ZNF362: variants seen among roughly 807,000 people sequenced by gnomAD.
The protein encoded by ZNF362 is zinc finger protein 362.
Under a neutral mutation model 42.9 loss-of-function variants are expected in ZNF362, and 11 were observed. The observed-to-expected ratio is 0.26, with a 90% CI of 0.16 to 0.42. The LOEUF (loss-of-function observed/expected upper bound fraction) is 0.42, where lower values mean the gene tolerates loss of function less well. Ranked by LOEUF, ZNF362 falls within the 20% of genes least tolerant of loss-of-function variation. ZNF362 has a pLI of 1.00. For missense variants in ZNF362, 362 were observed against 576.2 expected (o/e 0.63, Z 3.81); for synonymous variants, 255 against 257.3 (o/e 0.99, Z 0.09).
the ZNF362 span, among the ~76,000 whole-genome samples, chr1:33,141,573 T>A: frequency 6.6e-6 from 1 of 152,210 alleles, no homozygotes; most frequent in Non-Finnish European, 1.5e-5. Context: ...TGATGCCAGC[T>A]TCCTGAAAGC....
At chr1:33,283,660 A>C (rs369359398) in intron 6 of ZNF362, among the ~76,000 whole-genome samples, 7 of 152,258 alleles carry the variant, frequency 4.6e-5, no homozygotes, top group African/African-American at 1.7e-4. Context: ...AGCTGATGTC[A>C]CACCACTGCA....
the ZNF362 span, chr1:33,182,172 A>AC: frequency 6.7e-6 from 1 of 149,730 alleles, no homozygotes; most frequent in Non-Finnish European, 1.5e-5. Flanking sequence ...ACCCCGCCCC[A>AC]CCCCCACCAT....
chr1:33,274,485 C>A (rs1188065397), intron 2 of ZNF362, among the ~76,000 whole-genome samples: 3 of 152,120 alleles, frequency 2.0e-5, no homozygotes, highest in Non-Finnish European at 4.4e-5. Context: ...GAACTCCAGG[C>A]AGGAAGTACT....
intron 6 of ZNF362, among the ~76,000 whole-genome samples, chr1:33,288,501 G>C (rs1477175188): frequency 6.6e-6 from 1 of 152,072 alleles, no homozygotes; most frequent in Non-Finnish European, 1.5e-5. Context: ...CACTTTAGGA[G>C]GCTGAGGTGA....
chr1:33,150,454 C>T, the ZNF362 span, among the ~76,000 whole-genome samples: 3 of 152,354 alleles, frequency 2.0e-5, no homozygotes, highest in South Asian at 6.2e-4. Flanking sequence ...CTTCCATGAT[C>T]TTTGCCAGGA....
the ZNF362 span, among the ~76,000 whole-genome samples, chr1:33,159,428 G>A: frequency 2.0e-5 from 3 of 152,164 alleles, no homozygotes; most frequent in Non-Finnish European, 4.4e-5. The surrounding 1 kb of genome is among the most constrained non-coding windows in gnomAD (Gnocchi z 4.2). Context: ...AGCCAAGACA[G>A]CAGGGTCAAA....
the ZNF362 span, among the ~76,000 whole-genome samples, chr1:33,168,985 T>G: frequency 6.8e-6 from 1 of 148,082 alleles, no homozygotes; most frequent in Non-Finnish European, 1.5e-5. Flanking sequence ...AGTCAGGGAA[T>G]AAGGACAGCG....
At chr1:33,250,852 G>GAAGAAGAAGAAGAAGAA in the ZNF362 span, among the ~76,000 whole-genome samples, 6 of 137,484 alleles carry the variant, frequency 4.4e-5, no homozygotes, top group African/African-American at 1.7e-4. Flanking sequence ...GAAGAAAGAA[G>GAAGAAGAAGAAGAAGAA]GAAGAAGAAG....
chr1:33,278,659 G>A lies in ZNF362; in HGVS notation c.350-1465G>A, dbSNP rs79667566. Among the ~76,000 whole-genome samples, 116 of 152,256 alleles carry A rather than the reference G, an allele frequency of 7.6e-4. 1 individual carries two copies. In the East Asian group the frequency reaches 0.019, roughly 25 times the overall value. On this transcript the variant is annotated intron_variant, in intron 4 of 8. Coordinates refer to ENST00000539719, the MANE Select transcript of ZNF362 (RefSeq NM_152493.3). ...TCTCCTCTCAGATCTATTCCTGTGC[G>A]TTTACATGCACATATATCTTGTCCA...
At chr1:33,277,847 G>C (rs1361785918) in intron 4 of ZNF362, among the ~76,000 whole-genome samples, 1 of 152,176 alleles carries the variant, frequency 6.6e-6, no homozygotes, top group East Asian at 1.9e-4. Flanking sequence ...ATAATGTCAA[G>C]GGGCTGGAGC....
chr1:33,144,015 T>G, the ZNF362 span, among the ~76,000 whole-genome samples: 1 of 152,224 alleles, frequency 6.6e-6, no homozygotes, highest in Non-Finnish European at 1.5e-5. Context: ...ACCTAGTCCT[T>G]GCCTTTTCCT....
At chr1:33,129,920 G>A in the ZNF362 span, among the ~76,000 whole-genome samples, 1 of 152,000 alleles carries the variant, frequency 6.6e-6, no homozygotes, top group Non-Finnish European at 1.5e-5. The surrounding 1 kb of genome is among the most constrained non-coding windows in gnomAD (Gnocchi z 4.1). Context: ...AGTGCAGTGG[G>A]GTCATCTTGG....
the ZNF362 span, chr1:33,160,003 TGA>T: frequency 6.4e-7 from 1 of 1,569,374 alleles, no homozygotes; most frequent in Non-Finnish European, 8.6e-7. Flanking sequence ...GATCTCTGGG[TGA>T]GAGGAGGAAA....
At chr1:33,159,079 A>G in the ZNF362 span, among the ~76,000 whole-genome samples, 1 of 151,884 alleles carries the variant, frequency 6.6e-6, no homozygotes, top group Non-Finnish European at 1.5e-5. This position sits in a 1 kb window ranked among gnomAD's most constrained non-coding sequence, Gnocchi z 4.2. Flanking sequence ...TCCTGACCTC[A>G]GGTAATCCAC....
chr1:33,236,161 G>T, the ZNF362 span, among the ~76,000 whole-genome samples: 1 of 152,014 alleles, frequency 6.6e-6, no homozygotes, highest in Non-Finnish European at 1.5e-5. Context: ...GGCTGGATTA[G>T]CGCAATGAAT....
chr1:33,195,681 A>G, the ZNF362 span: 1 of 152,068 alleles, frequency 6.6e-6, no homozygotes, highest in Non-Finnish European at 1.5e-5. Context: ...AAAAGATTAA[A>G]GTATGGTATA....
At position 33,276,554 on chromosome 1, in the gene ZNF362, C is replaced by A. The variant is rs757405407; in HGVS notation, c.309C>A (p.Asp103Glu). ...ATCCACAGGCGGTGCCGCAGCCCGA[C>A]GTGGCGCTGCACGCACGGCCGGCCA... ...GLHPQAVPQP[D>E]VALHARPATS... Residue 103 changes from aspartate (D) to glutamate (E), a missense_variant, in exon 4 of 9, where the codon GAC (aspartate) becomes GAA (glutamate). Asp to Glu is a conservative substitution (Grantham distance 45). This residue lies in a region of ZNF362 where 266 missense variants were observed against 365.4 expected (regional missense o/e 0.73). Transcript: ENST00000539719. The A allele has an allele frequency of 1.4e-6, 2 of 1,467,506 alleles. No homozygotes were observed. The highest frequency in any genetic ancestry group is 9.0e-7 in the Non-Finnish European group (1 of 1,114,850). The allele number at this position is 1,467,506 out of a possible 1,614,324, so 90.9% of individuals were successfully genotyped here. A position where few individuals can be genotyped will look rare whatever the true frequency, so the allele number is the denominator to read the frequency against.
the ZNF362 span, chr1:33,165,352 T>G: frequency 1.0e-6 from 1 of 974,056 alleles, no homozygotes; most frequent in Middle Eastern, 3.4e-4. This position sits in a 1 kb window ranked among gnomAD's most constrained non-coding sequence, Gnocchi z 4.0. Context: ...GTTTGGCTCC[T>G]TGAAGCCAGG....
chr1:33,276,039 G>T, intron 2 of ZNF362, 61 bp from the exon 3 acceptor site: 1 of 1,592,078 alleles, frequency 6.3e-7, no homozygotes, highest in Non-Finnish European at 8.6e-7. Flanking sequence ...CAGCTGAGGG[G>T]TGCTCGCCCC....
Sources: gnomAD v4.1 joint callset for allele counts (sites outside exome capture counted in the v4.1 genomes callset) on GRCh38, gnomAD v4.1.1 for gene constraint, gnomAD v4.1.1 regional missense constraint, Gnocchi (gnomAD v3.1) non-coding constraint, MANE v1.5 for transcripts, NCBI Gene and HGNC (gene_info 2026-07-23, HGNC 2026-07-21) for gene names.